The following TNS1 variants were observed in gnomAD, a reference collection of about 807,000 sequenced individuals.
The protein encoded by TNS1 is tensin 1, also known as tensin-1.
TNS1 carries 62 observed loss-of-function variants against 168.6 expected under a neutral mutation model. The observed-to-expected ratio is 0.37, with a 90% CI of 0.30 to 0.45. The LOEUF (loss-of-function observed/expected upper bound fraction) is 0.45. TNS1 is among the 20% of genes least tolerant of loss of function. The pLI, the probability that TNS1 is intolerant of heterozygous loss-of-function variation, is 1.00. For missense variants in TNS1, 2,240 were observed against 2,339.4 expected, an observed-to-expected ratio of 0.96 and a Z score of 0.88; for synonymous variants, 934 against 933.2, an observed-to-expected ratio of 1.00 and a Z score of -0.02.
At chr2:217,862,532 C>G (rs920388324) in intron 18 of TNS1, among the ~76,000 whole-genome samples, 1 of 152,208 alleles carries the variant, frequency 6.6e-6, no homozygotes, top group African/African-American at 2.4e-5. Flanking sequence ...CTTCAAGACC[C>G]CAGATTTGCC....
At chr2:217,895,617 T>G (rs1341348812) in intron 8 of TNS1, among the ~76,000 whole-genome samples, 1 of 152,158 alleles carries the variant, frequency 6.6e-6, no homozygotes, top group Non-Finnish European at 1.5e-5. Context: ...TCACCAGACT[T>G]CCTCCATCAG....
intron 1 of TNS1, among the ~76,000 whole-genome samples, chr2:217,994,329 G>T (rs566411258): frequency 6.6e-6 from 1 of 152,028 alleles, no homozygotes; most frequent in Non-Finnish European, 1.5e-5. Context: ...AGTGTCAACT[G>T]CAGCAGTCCA....
intron 3 of TNS1, among the ~76,000 whole-genome samples, chr2:217,975,066 A>C (rs1294110984): frequency 6.6e-6 from 1 of 151,996 alleles, no homozygotes; most frequent in Non-Finnish European, 1.5e-5. Flanking sequence ...TCATTCATTC[A>C]CTCTTGGGAA....
At chr2:217,879,780 C>T (rs1022799269) in intron 18 of TNS1, among the ~76,000 whole-genome samples, 4 of 152,130 alleles carry the variant, frequency 2.6e-5, no homozygotes, top group East Asian at 1.9e-4. Flanking sequence ...AAGACAGCGC[C>T]GTGTAGAGGA....
Position 217,830,503 on chromosome 2 carries a change from A to T in TNS1, c.3373+952T>A, listed in dbSNP as rs527268094. On this transcript the variant is annotated intron_variant, in intron 22 of 32. Transcript: ENST00000682258. ...CCACATGGCCACCAAGGGCCCAGGG[A>T]GCCCTGTCTCCCTCCACCATAAGAA... The T allele has an allele frequency of 6.6e-5, 83 of 1,263,892 alleles. No individual in the cohort carries two copies. In the African/African-American group the frequency reaches 9.8e-4, roughly 15 times the overall value. The allele number at this position is 1,263,892 out of a possible 1,614,324, so 78.3% of individuals were successfully genotyped here.
At chr2:217,892,382 G>A (rs1467222342) in intron 11 of TNS1, among the ~76,000 whole-genome samples, 1 of 152,224 alleles carries the variant, frequency 6.6e-6, no homozygotes, top group East Asian at 1.9e-4. Flanking sequence ...GATTACAGGC[G>A]TGAGCCACTG....
intron 1 of TNS1, among the ~76,000 whole-genome samples, chr2:218,002,183 C>T (rs1043143310): frequency 1.3e-5 from 2 of 152,134 alleles, no homozygotes; most frequent in Non-Finnish European, 2.9e-5. Context: ...CCCTGGCATC[C>T]CCATCCTGAA....
upstream of TNS1, among the ~76,000 whole-genome samples, chr2:218,003,974 G>T (rs1958621646): frequency 6.6e-6 from 1 of 152,124 alleles, no homozygotes; most frequent in African/African-American, 2.4e-5. Context: ...TTCCCACGGA[G>T]CACTAAGGGG....
chr2:217,908,266 A>T (rs1292092111), intron 4 of TNS1, among the ~76,000 whole-genome samples: 1 of 152,030 alleles, frequency 6.6e-6, no homozygotes, highest in Non-Finnish European at 1.5e-5. Context: ...TTCCTACTAA[A>T]GATGGTTTGA....
intron 1 of TNS1, among the ~76,000 whole-genome samples, chr2:218,017,611 C>T (rs1958772839): frequency 6.6e-6 from 1 of 152,264 alleles, no homozygotes; most frequent in African/African-American, 2.4e-5. Context: ...AGCAAAGAGA[C>T]CAAGGTCAAC....
chr2:217,875,530 C>T (rs141994349), intron 18 of TNS1, among the ~76,000 whole-genome samples: 16 of 152,316 alleles, frequency 1.1e-4, no homozygotes, highest in African/African-American at 3.8e-4. Context: ...ACACCCAGAA[C>T]CCAAATCTTC....
chr2:218,003,306 C>A (rs144862244), upstream of TNS1, among the ~76,000 whole-genome samples: 2,737 of 152,096 alleles, frequency 0.018, 45 homozygotes, highest in Non-Finnish European at 0.029. Flanking sequence ...CAGACCCCCG[C>A]CCCTGGCAAA....
chr2:217,977,097 C>A (rs1175805138), intron 3 of TNS1, among the ~76,000 whole-genome samples: 3 of 152,140 alleles, frequency 2.0e-5, no homozygotes, highest in Admixed American at 2.0e-4. Flanking sequence ...CTGTCTAAGA[C>A]CCAAAGCACT....
intron 18 of TNS1, among the ~76,000 whole-genome samples, chr2:217,872,509 C>T (rs1422648329): frequency 2.6e-5 from 4 of 152,154 alleles, no homozygotes; most frequent in African/African-American, 9.7e-5. Context: ...CAATGCAATA[C>T]CCTTTCACAC....
chr2:217,838,936 C>A (rs1434864782), intron 19 of TNS1, among the ~76,000 whole-genome samples: 1 of 151,376 alleles, frequency 6.6e-6, no homozygotes, highest in Non-Finnish European at 1.5e-5. Flanking sequence ...CTCCCTCCCG[C>A]CACCACCCTC....
In TNS1 at chr2:217,897,989, C is replaced by T. The variant is rs376677529; in HGVS notation, c.372-20G>A. ...ATGTTTCTAGGGAGACAGCAGGCAG[C>T]GGAGGGTCCATATCAGAATCCAGCC... On this transcript the variant is annotated intron_variant, in intron 7 of 32. Transcript: ENST00000682258. 1.3e-4 allele frequency: 208 copies of T among 1,589,488 alleles called. No individual in the cohort carries two copies. The highest frequency in any genetic ancestry group is 1.2e-3 in the East Asian group (51 of 43,972).
At chr2:218,008,231 T>A (rs1958677103) in intron 1 of TNS1, among the ~76,000 whole-genome samples, 1 of 152,068 alleles carries the variant, frequency 6.6e-6, no homozygotes, top group African/African-American at 2.4e-5. Flanking sequence ...TCTTGATCTC[T>A]TCCCCAGCTC....
chr2:217,860,167 C>G (rs1948650574), intron 18 of TNS1, among the ~76,000 whole-genome samples: 1 of 152,238 alleles, frequency 6.6e-6, no homozygotes, highest in Admixed American at 6.5e-5. Context: ...CCCTGCCAGG[C>G]ACAGCCCAAC....
Position 217,804,263 on chromosome 2 carries a change from T to C in TNS1, c.*196A>G. ...AGTTCTTCTCCTCCATCTTTCTCTC[T>C]CTCTCTCTCTCTCTCTCTCTCTCTC... On this transcript the variant is annotated 3_prime_UTR_variant, in exon 33 of 33. Transcript: ENST00000682258. 1.7e-6 allele frequency: 1 copy of C among 583,576 alleles called. No individual in the cohort carries two copies. The highest frequency in any genetic ancestry group is 3.1e-5 in the East Asian group (1 of 32,212). 36.1% of individuals were successfully genotyped at this position (583,576 alleles called of 1,614,324 possible).
Sources: gnomAD v4.1 joint callset for allele counts (sites outside exome capture counted in the v4.1 genomes callset) on GRCh38, gnomAD v4.1.1 for gene constraint, MANE v1.5 for transcripts, NCBI Gene and HGNC (gene_info 2026-07-23, HGNC 2026-07-21) for gene names.